The following ATL1 variants were observed in gnomAD, a reference collection of about 807,000 sequenced individuals.
ATL1 encodes atlastin-1.
A neutral mutation model predicts 75.5 loss-of-function variants in ATL1; 31 were observed. That is an observed-to-expected ratio of 0.41 (90% confidence interval 0.31 to 0.55). ATL1 has a LOEUF of 0.55. Among genes scored for constraint, ATL1 ranks in the 20% least tolerant of loss-of-function variants. The pLI is 0.27. For missense variants in ATL1, 405 were observed against 662.6 expected (o/e 0.61, Z 4.27); for synonymous variants, 226 against 233.3 (o/e 0.97, Z 0.28).
At chr14:50,629,424 A>G (rs1342645362) in intron 12 of ATL1, among the ~76,000 whole-genome samples, 3 of 152,088 alleles carry the variant, frequency 2.0e-5, no homozygotes, top group African/African-American at 7.2e-5. Flanking sequence ...TCTACTAAAA[A>G]TACAAAAATA....
chr14:50,560,692 AGGGGTC>A (rs1015079742), intron 1 of ATL1, among the ~76,000 whole-genome samples: 2 of 152,178 alleles, frequency 1.3e-5, no homozygotes, highest in African/African-American at 4.8e-5. Flanking sequence ...CAGAGGGGCG[AGGGGTC>A]GGGGATCTAG....
chr14:50,543,837 C>T (rs2038595575), intron 1 of ATL1, among the ~76,000 whole-genome samples: 2 of 152,220 alleles, frequency 1.3e-5, no homozygotes, highest in South Asian at 2.1e-4. Context: ...TATATTGTCC[C>T]TATAGGATTG....
At chr14:50,533,487 A>G (rs368787054) in intron 1 of ATL1, 1 of 152,192 alleles carries the variant, frequency 6.6e-6, no homozygotes, top group African/African-American at 2.4e-5. Flanking sequence ...TATATGGAAC[A>G]GGAGTTCGGG....
chr14:50,586,475 C>G (rs1208194122), intron 1 of ATL1, among the ~76,000 whole-genome samples: 5 of 152,154 alleles, frequency 3.3e-5, no homozygotes, highest in African/African-American at 1.2e-4. Context: ...ATGGGAGACC[C>G]TCGTAACTTA....
Position 50,627,264 on chromosome 14 carries a change from C to T in ATL1, c.1120-767C>T, listed in dbSNP as rs76277439. ...CAATAAAGTGTTCTTAAATTATGTA[C>T]ATGGTTTTTAGATATGCTACTGCAC... On this transcript the variant is annotated intron_variant, in intron 11 of 13. Coordinates refer to ENST00000358385, the MANE Select transcript of ATL1 (RefSeq NM_015915.5). 3.3e-4 allele frequency among the ~76,000 whole-genome samples: 51 copies of T among 152,296 alleles called. 1 individual carries two copies. In the East Asian group the frequency reaches 4.4e-3, roughly 13 times the overall value.
chr14:50,554,522 G>A (rs1269761521), intron 1 of ATL1, among the ~76,000 whole-genome samples: 1 of 152,168 alleles, frequency 6.6e-6, no homozygotes, highest in Non-Finnish European at 1.5e-5. Flanking sequence ...GTCCCCACTA[G>A]GTTATTTAAG....
At chr14:50,561,921 C>T (rs987755190) in intron 1 of ATL1, among the ~76,000 whole-genome samples, 1 of 152,152 alleles carries the variant, frequency 6.6e-6, no homozygotes. Flanking sequence ...CACTTTTGGT[C>T]TCAGTCTCCA....
Position 50,594,812 on chromosome 14 carries a change from T to C in ATL1, c.574-764T>C, listed in dbSNP as rs368288275. Among the ~76,000 whole-genome samples the C allele has an allele frequency of 1.1e-3, 169 of 152,166 alleles. 2 individuals are homozygous for C. In the South Asian group the frequency reaches 0.033, roughly 29 times the overall value. On this transcript the variant is annotated intron_variant, in intron 5 of 13. Coordinates refer to ENST00000358385, the MANE Select transcript of ATL1 (RefSeq NM_015915.5). ...GAGTTTGAGACCAGCCTGGGCAACA[T>C]GGTGAAACCCTATCTCTACCAAAAA...
intron 1 of ATL1, among the ~76,000 whole-genome samples, chr14:50,545,442 G>A (rs962063233): frequency 3.9e-5 from 6 of 152,170 alleles, no homozygotes; most frequent in Non-Finnish European, 5.9e-5. Flanking sequence ...GGAATCCCAG[G>A]GTGGTCGACG....
At chr14:50,630,325 T>TA (rs1425774268) in intron 13 of ATL1, among the ~76,000 whole-genome samples, 1 of 152,180 alleles carries the variant, frequency 6.6e-6, no homozygotes, top group East Asian at 1.9e-4. Context: ...TACTGCAGAG[T>TA]AAAGCAAGCA....
At chr14:50,569,094 T>C (rs1294715533) in intron 1 of ATL1, among the ~76,000 whole-genome samples, 2 of 152,014 alleles carry the variant, frequency 1.3e-5, no homozygotes, top group Non-Finnish European at 2.9e-5. Context: ...CTCATGGCTA[T>C]AATCCAAGCA....
intron 1 of ATL1, among the ~76,000 whole-genome samples, chr14:50,573,181 G>A (rs2140187083): frequency 6.6e-6 from 1 of 152,278 alleles, no homozygotes; most frequent in East Asian, 1.9e-4. Context: ...TGGGGACACA[G>A]AGCCAGACCA....
chr14:50,632,265 A>T lies in ATL1; in HGVS notation c.1603A>T (p.Arg535Ter). 1 of 1,612,888 alleles carries T rather than the reference A, an allele frequency of 6.2e-7. No individual in the cohort carries two copies. The highest frequency in any genetic ancestry group is 2.2e-5 in the East Asian group (1 of 44,740). The change falls in exon 14 of 14, where the codon AGA becomes TGA. Residue 535 changes from arginine (R) to a stop codon, truncating the protein, a stop_gained. Coordinates refer to ENST00000358385, the MANE Select transcript of ATL1 (RefSeq NM_015915.5). LOFTEE classifies it high-confidence loss of function. ...GCTTTACAGTGCAGCAGCAACCCAC[A>T]GACATCTGTATCATCAAGCTTTCCC... ...YKLYSAAATH[R>*]HLYHQAFPTP...
chr14:50,541,095 C>G (rs555584669), intron 1 of ATL1, among the ~76,000 whole-genome samples: 1 of 152,206 alleles, frequency 6.6e-6, no homozygotes, highest in East Asian at 1.9e-4. Flanking sequence ...GACTTGAAAA[C>G]TAGAAAGTAG....
intron 1 of ATL1, among the ~76,000 whole-genome samples, chr14:50,565,442 A>T (rs1360948014): frequency 6.6e-6 from 1 of 151,206 alleles, no homozygotes; most frequent in East Asian, 1.9e-4. Flanking sequence ...CTGAGATCGC[A>T]CCACTGTACT....
At chr14:50,561,771 CCTGA>C (rs1452590983) in intron 1 of ATL1, among the ~76,000 whole-genome samples, 1 of 152,090 alleles carries the variant, frequency 6.6e-6, no homozygotes, top group Non-Finnish European at 1.5e-5. Flanking sequence ...AACAGACCTA[CCTGA>C]CTATTGCAAT....
chr14:50,552,924 G>T (rs531773768), intron 1 of ATL1, among the ~76,000 whole-genome samples: 95 of 152,250 alleles, frequency 6.2e-4, no homozygotes, highest in Non-Finnish European at 1.1e-3. Context: ...GATAACATCA[G>T]AAAAACTCTT....
intron 8 of ATL1, among the ~76,000 whole-genome samples, chr14:50,616,187 T>G (rs1458698328): frequency 6.6e-6 from 1 of 152,084 alleles, no homozygotes; most frequent in African/African-American, 2.4e-5. Flanking sequence ...TTTGAAGAGA[T>G]GAGGTCTTGC....
At chr14:50,577,051 A>G (rs79504168) in intron 1 of ATL1, among the ~76,000 whole-genome samples, 135 of 152,166 alleles carry the variant, frequency 8.9e-4, no homozygotes, top group African/African-American at 3.0e-3. Context: ...AACTTCTGTT[A>G]TAAGTTTTTG....
Sources: gnomAD v4.1 joint callset for allele counts (sites outside exome capture counted in the v4.1 genomes callset) on GRCh38, gnomAD v4.1.1 for gene constraint, MANE v1.5 for transcripts, NCBI Gene and HGNC (gene_info 2026-07-23, HGNC 2026-07-21) for gene names.